Variants in FBXO42 observed in about 807,000 individuals in gnomAD.
FBXO42 encodes F-box only protein 42.
FBXO42 carries 12 observed loss-of-function variants against 71.7 expected under a neutral mutation model. That is an observed-to-expected ratio of 0.17 (90% confidence interval 0.11 to 0.27). The LOEUF (loss-of-function observed/expected upper bound fraction) is 0.27, where lower values mean the gene tolerates loss of function less well. Among genes scored for constraint, FBXO42 ranks in the 10% least tolerant of loss-of-function variants. The pLI, the probability that FBXO42 is intolerant of heterozygous loss-of-function variation, is 1.00. For missense variants in FBXO42, 707 were observed against 911.9 expected, an observed-to-expected ratio of 0.78 and a Z score of 2.89; for synonymous variants, 325 against 327.5, an observed-to-expected ratio of 0.99 and a Z score of 0.08.
At chr1:16,305,675 C>T (rs1162044171) in intron 3 of FBXO42, 128 bp downstream of exon 3, 1 of 763,510 alleles carries the variant, frequency 1.3e-6, no homozygotes, top group Non-Finnish European at 2.3e-6. Context: ...GATTATGCCA[C>T]TGCACTCCAG....
chr1:16,335,001 C>T (rs996275903), intron 1 of FBXO42, among the ~76,000 whole-genome samples: 2 of 118,000 alleles, frequency 1.7e-5, no homozygotes, highest in African/African-American at 6.6e-5. Flanking sequence ...CCAAGGTGGG[C>T]GAATAGCTTG....
At chr1:16,283,718 A>G (rs954820607) in intron 4 of FBXO42, among the ~76,000 whole-genome samples, 2 of 151,860 alleles carry the variant, frequency 1.3e-5, no homozygotes, top group Non-Finnish European at 2.9e-5. Context: ...GCTGGTCTTG[A>G]ACTCCTGACC....
At chr1:16,302,802 G>T (rs76309143) in intron 3 of FBXO42, among the ~76,000 whole-genome samples, 1 of 152,140 alleles carries the variant, frequency 6.6e-6, no homozygotes, top group African/African-American at 2.4e-5. Context: ...AAGCCACTGC[G>T]GCCAGCCGAA....
At chr1:16,295,058 T>C in intron 3 of FBXO42, 141 bp from the exon 4 acceptor site, 1 of 929,506 alleles carries the variant, frequency 1.1e-6, no homozygotes. Flanking sequence ...TACCAGCCTC[T>C]TGTCTCCAAG....
rs546871806 is a variant in FBXO42 at position 16,269,320 on chromosome 1, C to T, written c.503-12561G>A. Among the ~76,000 whole-genome samples the T allele has an allele frequency of 2.6e-5, 4 of 151,792 alleles. No individual in the cohort carries two copies. The South Asian group carries it at 6.2e-4, about 24-fold the overall frequency. On this transcript the variant is annotated intron_variant, in intron 4 of 9. Coordinates refer to ENST00000375592, the MANE Select transcript of FBXO42 (RefSeq NM_018994.3). ...GCCAGGCTGGTCTCAAACTCTTGAC[C>T]GTGGGTGATCTGCCTGCCTCGGCCT...
intron 5 of FBXO42, 24 bp downstream of exon 5, chr1:16,256,582 A>G: frequency 6.2e-7 from 1 of 1,609,310 alleles, no homozygotes. Context: ...TTCCAGATTT[A>G]AAGAGTTTAT....
intron 4 of FBXO42, among the ~76,000 whole-genome samples, chr1:16,280,900 T>G (rs1356996251): frequency 2.0e-5 from 3 of 152,180 alleles, no homozygotes; most frequent in Non-Finnish European, 4.4e-5. Context: ...GGCTATGTGA[T>G]TTTAGGTAAA....
At chr1:16,307,972 T>C (rs867657268) in intron 2 of FBXO42, among the ~76,000 whole-genome samples, 1 of 152,126 alleles carries the variant, frequency 6.6e-6, no homozygotes, top group African/African-American at 2.4e-5. Context: ...AGACCCAGAA[T>C]AGCCAAGAAA....
At position 16,281,710 on chromosome 1, in the gene FBXO42, G is replaced by A. The variant is rs1256255322; in HGVS notation, c.502+13073C>T. Among the ~76,000 whole-genome samples, 3 of 150,340 alleles carry A rather than the reference G, an allele frequency of 2.0e-5. No individual in the cohort carries two copies. In the East Asian group the frequency reaches 5.9e-4, roughly 29 times the overall value. Reference sequence around the variant, plus strand: ...GTCTCACTCTGCTGCCCAGGCTGGAGTGCAGTGGCAATCTTGGCTCACTGT... The same window carrying A: ...GTCTCACTCTGCTGCCCAGGCTGGAATGCAGTGGCAATCTTGGCTCACTGT... On this transcript the variant is annotated intron_variant, in intron 4 of 9. Coordinates refer to ENST00000375592, the MANE Select transcript of FBXO42 (RefSeq NM_018994.3).
chr1:16,281,808 C>G (rs563640052), intron 4 of FBXO42, among the ~76,000 whole-genome samples: 1 of 152,004 alleles, frequency 6.6e-6, no homozygotes, highest in African/African-American at 2.4e-5. Context: ...AGGCGCACAT[C>G]ACCACATTCA....
At position 16,248,147 on chromosome 1, in the gene FBXO42, A is replaced by G. The variant is rs1419860224; in HGVS notation, c.*2523T>C. ...CTGGCCTGACTGCAGCATCCACGGC[A>G]TTGTGGAAATGCTCGCCTTGGCCGA... is the stretch of plus-strand genomic sequence containing the variant. On this transcript the variant is annotated 3_prime_UTR_variant, in exon 10 of 10. Coordinates refer to ENST00000375592, the MANE Select transcript of FBXO42 (RefSeq NM_018994.3). 8 of 152,224 alleles carry G rather than the reference A, an allele frequency of 5.3e-5. No homozygotes were observed. The highest frequency in any genetic ancestry group is 5.2e-4 in the Admixed American group (8 of 15,286). The allele number at this position is 152,224 out of a possible 1,614,324, so 9.4% of individuals were successfully genotyped here. A position where few individuals can be genotyped will look rare whatever the true frequency, so the allele number is the denominator to read the frequency against.
chr1:16,284,408 T>G (rs2081999654), intron 4 of FBXO42, among the ~76,000 whole-genome samples: 1 of 152,194 alleles, frequency 6.6e-6, no homozygotes, highest in Non-Finnish European at 1.5e-5. Context: ...GGCCAATGTC[T>G]CCATTTGATT....
At chr1:16,278,314 G>A (rs918191818) in intron 4 of FBXO42, among the ~76,000 whole-genome samples, 1 of 151,212 alleles carries the variant, frequency 6.6e-6, no homozygotes. Flanking sequence ...CGGAGATCAC[G>A]CCATTGCACT....
intron 1 of FBXO42, among the ~76,000 whole-genome samples, chr1:16,339,418 T>C (rs917754021): frequency 1.3e-5 from 2 of 152,122 alleles, no homozygotes; most frequent in South Asian, 4.1e-4. Flanking sequence ...GTTCAAGTGA[T>C]TCTCCTGCCT....
At chr1:16,281,642 TTTTTTC>T (rs1351591234) in intron 4 of FBXO42, among the ~76,000 whole-genome samples, 42 of 150,304 alleles carry the variant, frequency 2.8e-4, no homozygotes, top group South Asian at 4.2e-4. Flanking sequence ...CTAATTTTCT[TTTTTTC>T]TTTTTCTTTT....
intron 1 of FBXO42, among the ~76,000 whole-genome samples, chr1:16,341,090 T>A (rs2082600328): frequency 6.6e-6 from 1 of 152,162 alleles, no homozygotes; most frequent in Non-Finnish European, 1.5e-5. Flanking sequence ...TATGGAATGA[T>A]CTCCAAAATA....
intron 1 of FBXO42, among the ~76,000 whole-genome samples, chr1:16,351,283 C>T (rs1265696351): frequency 6.6e-6 from 1 of 152,162 alleles, no homozygotes; most frequent in African/African-American, 2.4e-5. Flanking sequence ...GACAGAAACA[C>T]AATCGAAGTC....
intron 1 of FBXO42, among the ~76,000 whole-genome samples, chr1:16,351,011 G>A (rs1267754799): frequency 6.6e-6 from 1 of 152,058 alleles, no homozygotes; most frequent in African/African-American, 2.4e-5. Context: ...ATTTAACACA[G>A]CATCACTAAT....
intron 4 of FBXO42, among the ~76,000 whole-genome samples, chr1:16,284,779 C>T (rs1185415181): frequency 1.3e-5 from 2 of 152,086 alleles, no homozygotes; most frequent in African/African-American, 4.8e-5. Context: ...ACCAGCCTGA[C>T]CAACATGGAG....
Sources: gnomAD v4.1 joint callset for allele counts (sites outside exome capture counted in the v4.1 genomes callset) on GRCh38, gnomAD v4.1.1 for gene constraint, MANE v1.5 for transcripts, NCBI Gene and HGNC (gene_info 2026-07-23, HGNC 2026-07-21) for gene names.